Variants in NEBL observed in about 807,000 individuals in gnomAD.
The protein encoded by NEBL is nebulette.
Under a neutral mutation model 140.2 loss-of-function variants are expected in NEBL, and 122 were observed. The observed-to-expected ratio is 0.87, with a 90% CI of 0.75 to 1.01. NEBL has a LOEUF of 1.01. Among genes scored for constraint, NEBL ranks in the 50% least tolerant of loss-of-function variants. The pLI is 0.00. For missense variants in NEBL, 1,365 were observed against 1,231.3 expected (o/e 1.11, Z -1.62); for synonymous variants, 436 against 398.9 (o/e 1.09, Z -1.11).
At chr10:20,837,211 C>T (rs1030167558) in intron 13 of NEBL, among the ~76,000 whole-genome samples, 5 of 152,154 alleles carry the variant, frequency 3.3e-5, no homozygotes, top group East Asian at 1.9e-4. Flanking sequence ...AACAGTTATT[C>T]GAGTTGTGAA....
intron 2 of NEBL, among the ~76,000 whole-genome samples, chr10:21,090,526 C>T (rs182705091): frequency 6.6e-5 from 10 of 152,208 alleles, no homozygotes; most frequent in Admixed American, 3.3e-4. Context: ...TGTTCTGGAA[C>T]CTACCCCCAC....
chr10:21,078,319 T>C (rs1366145260), intron 2 of NEBL, among the ~76,000 whole-genome samples: 2 of 152,218 alleles, frequency 1.3e-5, no homozygotes, highest in Non-Finnish European at 2.9e-5. Context: ...TAGAATGTAT[T>C]CTTTTTAAAG....
intron 2 of NEBL, among the ~76,000 whole-genome samples, chr10:21,169,975 A>G (rs1841003871): frequency 6.6e-6 from 1 of 152,062 alleles, no homozygotes; most frequent in African/African-American, 2.4e-5. Context: ...TTTGGGGCCC[A>G]CATCTCAACG....
intron 4 of NEBL, among the ~76,000 whole-genome samples, chr10:20,951,937 T>C (rs544131040): frequency 6.6e-6 from 1 of 152,306 alleles, no homozygotes; most frequent in African/African-American, 2.4e-5. Context: ...TGGAAATTTT[T>C]TTTCTATTCT....
intron 2 of NEBL, among the ~76,000 whole-genome samples, chr10:21,138,090 G>A (rs1839439667): frequency 6.6e-6 from 1 of 152,030 alleles, no homozygotes; most frequent in African/African-American, 2.4e-5. Context: ...CCACCTAGAG[G>A]GTAATGATAT....
At chr10:21,214,208 C>A (rs1366463586) in intron 3 of NEBL, among the ~76,000 whole-genome samples, 1 of 151,728 alleles carries the variant, frequency 6.6e-6, no homozygotes, top group Non-Finnish European at 1.5e-5. Flanking sequence ...ATATCATGCA[C>A]ACACACAAAA....
chr10:21,031,775 A>G (rs1833805657), intron 2 of NEBL, among the ~76,000 whole-genome samples: 1 of 152,128 alleles, frequency 6.6e-6, no homozygotes, highest in Non-Finnish European at 1.5e-5. Flanking sequence ...CCAAAAGTCA[A>G]GTCCTGGGCC....
intron 4 of NEBL, among the ~76,000 whole-genome samples, chr10:20,940,026 CG>C (rs1834763302): frequency 6.7e-6 from 1 of 150,258 alleles, no homozygotes; most frequent in South Asian, 2.1e-4. Context: ...GACAGATCAA[CG>C]AGACAGAAAG....
chr10:20,932,118 A>T (rs972190228), intron 4 of NEBL, among the ~76,000 whole-genome samples: 1 of 152,104 alleles, frequency 6.6e-6, no homozygotes, highest in South Asian at 2.1e-4. Context: ...ACTTAAATTC[A>T]TCTTCTTTTC....
At chr10:21,131,118 G>A (rs2132070142) in intron 2 of NEBL, among the ~76,000 whole-genome samples, 1 of 152,262 alleles carries the variant, frequency 6.6e-6, no homozygotes, top group Non-Finnish European at 1.5e-5. Context: ...ACAACCCTAT[G>A]CTCACACATT....
At position 20,920,385 on chromosome 10, in the gene NEBL, A is replaced by G. The variant is rs948740962; in HGVS notation, c.357+41287T>C. Among the ~76,000 whole-genome samples the G allele has an allele frequency of 3.9e-5, 6 of 152,242 alleles. No individual in the cohort carries two copies. The East Asian group carries it at 1.2e-3, about 29-fold the overall frequency. On this transcript the variant is annotated intron_variant, in intron 4 of 6. Coordinates refer to the NEBL transcript ENST00000417816. Reference sequence around the variant, plus strand: ...ATACTAGCAATAGCAAAAGACTGGAAATAACCCAAATGCCCATCAACAAGG... The same window carrying G: ...ATACTAGCAATAGCAAAAGACTGGAGATAACCCAAATGCCCATCAACAAGG...
At chr10:21,242,426 A>G (rs530478605) in intron 3 of NEBL, among the ~76,000 whole-genome samples, 3 of 152,262 alleles carry the variant, frequency 2.0e-5, no homozygotes, top group African/African-American at 7.2e-5. Flanking sequence ...TTGAAAATAC[A>G]CGGACACAAA....
At chr10:20,806,004 T>TACTC (rs148483451) in intron 26 of NEBL, among the ~76,000 whole-genome samples, 1 of 152,332 alleles carries the variant, frequency 6.6e-6, no homozygotes, top group East Asian at 1.9e-4. Flanking sequence ...ATCCATGTGT[T>TACTC]ACTCAAATTC....
Position 21,173,849 on chromosome 10 carries a change from G to A in NEBL, c.-16C>T, listed in dbSNP as rs752704821. 1.2e-6 allele frequency: 2 copies of A among 1,608,326 alleles called. No individual in the cohort carries two copies. Among genetic ancestry groups the A allele is most frequent in the African/African-American group, 2.7e-5 (2 of 74,752 alleles). On this transcript the variant is annotated 5_prime_UTR_variant, in exon 1 of 7. Transcript: ENST00000417816. This position sits in a 1 kb window ranked among gnomAD's most constrained non-coding sequence, Gnocchi z 5.7. Reference sequence around the variant, plus strand: ...GGGGGTTCATGATCGCGGTTCCCGGGGGCGGCGGCGGCGGCGGCTGCTGGC... The same window carrying A: ...GGGGGTTCATGATCGCGGTTCCCGGAGGCGGCGGCGGCGGCGGCTGCTGGC...
intron 3 of NEBL, among the ~76,000 whole-genome samples, chr10:21,186,257 AACAC>A (rs765894739): frequency 0.044 from 5,518 of 124,706 alleles, 179 homozygotes; most frequent in African/African-American, 0.11. Flanking sequence ...TATATATACA[AACAC>A]ACACACACAC....
intron 4 of NEBL, among the ~76,000 whole-genome samples, chr10:20,912,567 A>C (rs1588999560): frequency 6.6e-6 from 1 of 152,128 alleles, no homozygotes; most frequent in South Asian, 2.1e-4. Flanking sequence ...ATCTTTATCA[A>C]CCACTTTCAT....
chr10:21,285,543 T>C (rs1462367194), intron 1 of NEBL, among the ~76,000 whole-genome samples: 3 of 152,188 alleles, frequency 2.0e-5, no homozygotes, highest in Non-Finnish European at 4.4e-5. Context: ...CTAAGATATA[T>C]AAAACTAAAC....
chr10:20,799,728 C>T (rs138050042), intron 26 of NEBL, among the ~76,000 whole-genome samples: 27 of 152,074 alleles, frequency 1.8e-4, no homozygotes, highest in African/African-American at 5.1e-4. Flanking sequence ...GTCAGAAAAC[C>T]GAAGCAGTGG....
chr10:21,107,552 C>T (rs1837777562), intron 2 of NEBL, among the ~76,000 whole-genome samples: 1 of 152,200 alleles, frequency 6.6e-6, no homozygotes, highest in African/African-American at 2.4e-5. Context: ...TTCTGATGTG[C>T]TGCTGGATTC....
Sources: gnomAD v4.1 joint callset for allele counts (sites outside exome capture counted in the v4.1 genomes callset) on GRCh38, gnomAD v4.1.1 for gene constraint, Gnocchi (gnomAD v3.1) non-coding constraint, MANE v1.5 for transcripts, NCBI Gene and HGNC (gene_info 2026-07-23, HGNC 2026-07-21) for gene names.